The following FRMPD4 variants were observed in gnomAD, a reference collection of about 807,000 sequenced individuals.
The protein encoded by FRMPD4 is FERM and PDZ domain containing 4.
Under a neutral mutation model 94.1 loss-of-function variants are expected in FRMPD4, and 22 were observed. That is an observed-to-expected ratio of 0.23 (90% confidence interval 0.17 to 0.33). The LOEUF is 0.33. Among genes scored for constraint, FRMPD4 ranks in the 10% least tolerant of loss-of-function variants. The pLI, the probability that FRMPD4 is intolerant of heterozygous loss-of-function variation, is 1.00. For missense variants in FRMPD4, 1,111 were observed against 1,339.9 expected (o/e 0.83, Z 2.67); for synonymous variants, 631 against 548.6 (o/e 1.15, Z -2.10).
At chrX:12,592,547 T>G (rs772883383) in intron 2 of FRMPD4, among the ~76,000 whole-genome samples, 1 of 112,188 alleles carries the variant, frequency 8.9e-6, no homozygotes, top group Non-Finnish European at 1.9e-5. Context: ...CTACTATAAA[T>G]AGCATGTCCT....
chrX:11,883,044 C>T, intron 3 of FRMPD4, among the ~76,000 whole-genome samples: 1 of 111,696 alleles, frequency 9.0e-6, no homozygotes, highest in African/African-American at 3.3e-5. Context: ...TGCTCTCTGC[C>T]AGGCGCTACT....
At chrX:12,553,725 G>A (rs774104271) in intron 2 of FRMPD4, among the ~76,000 whole-genome samples, 2 of 109,283 alleles carry the variant, frequency 1.8e-5, no homozygotes, top group African/African-American at 3.3e-5. Flanking sequence ...CTCATGAAGC[G>A]AAATCTTCTC....
intron 1 of FRMPD4, among the ~76,000 whole-genome samples, chrX:11,834,532 G>T (rs1165091211): frequency 9.0e-6 from 1 of 111,433 alleles, no homozygotes; most frequent in East Asian, 2.8e-4. Context: ...AAATTATCTT[G>T]TATTTATTTG....
At chrX:12,438,352 C>T (rs1026631471) in intron 1 of FRMPD4, among the ~76,000 whole-genome samples, 2 of 108,774 alleles carry the variant, frequency 1.8e-5, no homozygotes, top group Non-Finnish European at 3.8e-5. Flanking sequence ...GTTCTACCTC[C>T]TTGGTCATTA....
At chrX:12,281,585 G>A (rs1267236709) in intron 1 of FRMPD4, among the ~76,000 whole-genome samples, 1 of 110,780 alleles carries the variant, frequency 9.0e-6, no homozygotes, top group Admixed American at 9.6e-5. Context: ...ACGTTACTCA[G>A]GCTGGTCTCA....
At chrX:12,524,297 A>G (rs886108639) in intron 2 of FRMPD4, among the ~76,000 whole-genome samples, 28 of 112,481 alleles carry the variant, frequency 2.5e-4, no homozygotes, top group African/African-American at 8.4e-4. Context: ...AAACTGGTCT[A>G]TTTTGGAATC....
At chrX:11,825,190 TTGTGTGTGTGTGTGTGTGTGTGTG>T (rs747320680) in intron 1 of FRMPD4, among the ~76,000 whole-genome samples, 4 of 80,163 alleles carry the variant, frequency 5.0e-5, no homozygotes, top group South Asian at 7.4e-4. Context: ...TGTGTCTTCT[TTGTGTGTGTGTGTGTGTGTGTGTG>T]TGTGTGTGTG....
At chrX:12,180,461 A>G (rs2056345600) in intron 1 of FRMPD4, among the ~76,000 whole-genome samples, 1 of 112,079 alleles carries the variant, frequency 8.9e-6, no homozygotes, top group Non-Finnish European at 1.9e-5. Flanking sequence ...ATCGCAATAC[A>G]TCATGGATCA....
intron 1 of FRMPD4, among the ~76,000 whole-genome samples, chrX:12,479,385 T>TATATATATACATATATACCC (rs2057645875): frequency 1.2e-5 from 1 of 84,576 alleles, no homozygotes. Flanking sequence ...TATATACACA[T>TATATATATACATATATACCC]ATATATATAC....
chrX:12,705,771 A>G (rs750949472), intron 11 of FRMPD4, among the ~76,000 whole-genome samples: 2 of 111,381 alleles, frequency 1.8e-5, no homozygotes, highest in Admixed American at 9.5e-5. Flanking sequence ...GATAACTGCT[A>G]TAAGATCAAT....
intron 3 of FRMPD4, among the ~76,000 whole-genome samples, chrX:12,083,889 C>T (rs139109639): frequency 8.9e-6 from 1 of 111,860 alleles, no homozygotes; most frequent in South Asian, 3.7e-4. Context: ...ATGCCTGTAC[C>T]CCCATTGTAT....
At chrX:12,249,668 G>A (rs1157654508) in intron 1 of FRMPD4, among the ~76,000 whole-genome samples, 2 of 111,542 alleles carry the variant, frequency 1.8e-5, no homozygotes, top group Admixed American at 9.6e-5. Context: ...GGATGCCTTT[G>A]AAAGTGTGTG....
intron 2 of FRMPD4, among the ~76,000 whole-genome samples, chrX:12,562,570 T>C (rs1244109561): frequency 1.8e-5 from 2 of 112,525 alleles, no homozygotes; most frequent in African/African-American, 6.5e-5. Flanking sequence ...AGTGCTATGA[T>C]TAATTCTTTC....
chrX:12,475,227 A>G (rs1029839968), intron 1 of FRMPD4, among the ~76,000 whole-genome samples: 1 of 112,176 alleles, frequency 8.9e-6, no homozygotes, highest in Admixed American at 9.5e-5. Flanking sequence ...GATTATCTCA[A>G]TAGATGCAGA....
intron 1 of FRMPD4, among the ~76,000 whole-genome samples, chrX:12,183,653 G>C (rs1220983045): frequency 9.0e-6 from 1 of 111,172 alleles, no homozygotes; most frequent in Non-Finnish European, 1.9e-5. Flanking sequence ...GCTTAGCTTT[G>C]GTTACTTTTG....
intron 6 of FRMPD4, 78 bp from the exon 7 acceptor site, chrX:12,686,019 G>A: frequency 2.0e-6 from 1 of 498,968 alleles, no homozygotes. Flanking sequence ...TTAGAATAAA[G>A]TATAGATGTG....
At chrX:11,894,936 T>C (rs776490831) in intron 3 of FRMPD4, among the ~76,000 whole-genome samples, 1 of 111,913 alleles carries the variant, frequency 8.9e-6, no homozygotes, top group South Asian at 3.8e-4. Flanking sequence ...TATGGAGTGA[T>C]CTACATGCGG....
At chrX:12,179,319 G>A (rs941415914) in intron 1 of FRMPD4, among the ~76,000 whole-genome samples, 2 of 110,987 alleles carry the variant, frequency 1.8e-5, no homozygotes, top group Non-Finnish European at 3.8e-5. Flanking sequence ...CCAGGTCTCG[G>A]GGTGGGGAAA....
In FRMPD4 at chrX:12,294,955, T is replaced by C. The variant is rs58534565; in HGVS notation, c.41+155943T>C. On this transcript the variant is annotated intron_variant, in intron 1 of 16. Transcript: ENST00000675598. ...CAAGTATAAAAAAATGTGTATCTCA[T>C]AGTTATTTATGTAAACACACAGAGA... 7.8e-3 allele frequency among the ~76,000 whole-genome samples: 877 copies of C among 112,200 alleles called. 8 individuals are homozygous for C. Among genetic ancestry groups the C allele is most frequent in the African/African-American group, 0.027 (828 of 30,892 alleles).
Sources: gnomAD v4.1 joint callset for allele counts (sites outside exome capture counted in the v4.1 genomes callset) on GRCh38, gnomAD v4.1.1 for gene constraint, MANE v1.5 for transcripts, NCBI Gene and HGNC (gene_info 2026-07-23, HGNC 2026-07-21) for gene names.